Variants in MTARC2 observed in about 807,000 individuals in gnomAD.
The protein encoded by MTARC2 is mitochondrial amidoxime reducing component 2, also known as MOCO sulphurase C-terminal domain containing 2.
In MTARC2, 27 loss-of-function variants were observed where a neutral mutation model predicts 35.6. The ratio of observed to expected loss-of-function variants is 0.76; its 90% CI spans 0.56 to 1.04. The LOEUF is 1.04. Ranked by LOEUF, MTARC2 falls within the 50% of genes least tolerant of loss-of-function variation. The probability of loss-of-function intolerance (pLI) is 0.00; values close to 1 mark genes in which losing one functional copy is unlikely to be tolerated. For synonymous variants in MTARC2, 158 were observed against 167.1 expected, an observed-to-expected ratio of 0.95 and a Z score of 0.42; for missense variants, 412 against 432.5, an observed-to-expected ratio of 0.95 and a Z score of 0.42.
intron 2 of MTARC2, among the ~76,000 whole-genome samples, chr1:220,756,764 C>T (rs1288057914): frequency 3.3e-5 from 5 of 152,148 alleles, no homozygotes; most frequent in Admixed American, 3.3e-4. Context: ...GCAAGTTTTT[C>T]CCCCAAGGCT....
chr1:220,757,831 G>A (rs1469195734), intron 2 of MTARC2, among the ~76,000 whole-genome samples: 1 of 152,046 alleles, frequency 6.6e-6, no homozygotes, highest in Non-Finnish European at 1.5e-5. Flanking sequence ...GATGGTAAGC[G>A]ACAGAGTGAT....
intron 4 of MTARC2, among the ~76,000 whole-genome samples, chr1:220,778,607 A>G (rs1363554485): frequency 6.6e-6 from 1 of 152,178 alleles, no homozygotes; most frequent in African/African-American, 2.4e-5. Flanking sequence ...TTTGGTGGGG[A>G]CACAGATCCA....
At chr1:220,766,978 C>CA (rs60167839) in intron 4 of MTARC2, among the ~76,000 whole-genome samples, 138 of 127,470 alleles carry the variant, frequency 1.1e-3, no homozygotes, top group Non-Finnish European at 1.5e-3. Context: ...CCCACCTCTA[C>CA]AAAAAAAAAA....
At chr1:220,775,354 A>T (rs1321186797) in intron 4 of MTARC2, among the ~76,000 whole-genome samples, 1 of 152,124 alleles carries the variant, frequency 6.6e-6, no homozygotes, top group Non-Finnish European at 1.5e-5. Context: ...TTCATCTTGA[A>T]AACTCCATAG....
chr1:220,760,555 G>C (rs964636980), intron 2 of MTARC2, among the ~76,000 whole-genome samples: 1 of 151,968 alleles, frequency 6.6e-6, no homozygotes, highest in Admixed American at 6.5e-5. Context: ...AGAGTTTTAT[G>C]GATATTTTAT....
chr1:220,759,620 C>A (rs1671385924), intron 2 of MTARC2, among the ~76,000 whole-genome samples: 1 of 152,082 alleles, frequency 6.6e-6, no homozygotes, highest in Admixed American at 6.5e-5. Context: ...CACTTATGTA[C>A]AAGTGCTGTT....
intron 4 of MTARC2, among the ~76,000 whole-genome samples, chr1:220,766,989 AAATT>A (rs1030804167): frequency 6.6e-6 from 1 of 152,000 alleles, no homozygotes; most frequent in African/African-American, 2.4e-5. Flanking sequence ...AAAAAAAAAA[AAATT>A]AATTAATTAA....
At chr1:220,772,906 A>G (rs1457180810) in intron 4 of MTARC2, among the ~76,000 whole-genome samples, 1 of 152,244 alleles carries the variant, frequency 6.6e-6, no homozygotes, top group Non-Finnish European at 1.5e-5. Context: ...TAACTCTGGT[A>G]TAATGGGAAA....
intron 4 of MTARC2, among the ~76,000 whole-genome samples, chr1:220,775,234 G>A (rs766276436): frequency 4.8e-5 from 7 of 146,924 alleles, no homozygotes; most frequent in Non-Finnish European, 1.0e-4. Flanking sequence ...TTTACAAGAT[G>A]TGCACACGTT....
At chr1:220,753,575 C>T (rs1392203403) in intron 1 of MTARC2, among the ~76,000 whole-genome samples, 1 of 152,180 alleles carries the variant, frequency 6.6e-6, no homozygotes, top group East Asian at 1.9e-4. Context: ...CTCAGCCTTT[C>T]CCTGATGGCT....
Position 220,780,056 on chromosome 1 carries a change from GA to G in MTARC2, c.794del (p.Lys265ArgfsTer2). 5 of 1,548,034 alleles carry G rather than the reference GA, an allele frequency of 3.2e-6. No individual in the cohort carries two copies. Among genetic ancestry groups the G allele is most frequent in the South Asian group, 2.6e-5 (2 of 78,308 alleles). ...AACTCCTAATTGGTAGTGTAGAAGT[GA>G]AAAAGGTAATGGCATGCCCCAGGTA... is the stretch of plus-strand genomic sequence containing the variant. Reference protein sequence around the residue: ...DELLIGSVEVKKVMACPRCIL... With the variant: ...DELLIGSVEVXKVMACPRCIL... On this transcript the variant is annotated frameshift_variant, in exon 5 of 8. Coordinates refer to ENST00000366913, the MANE Select transcript of MTARC2 (RefSeq NM_017898.5). LOFTEE classifies it high-confidence loss of function.
In MTARC2 at chr1:220,782,050, T is replaced by A. The variant is rs183247496; in HGVS notation, c.*31+118T>A. 2.4e-3 allele frequency: 2,259 copies of A among 927,222 alleles called. 6 individuals carry two copies. Among genetic ancestry groups the A allele is most frequent in the Non-Finnish European group, 3.0e-3 (1,911 of 639,106 alleles). The allele number at this position is 927,222 out of a possible 1,614,324, so 57.4% of individuals were successfully genotyped here. A position where few individuals can be genotyped will look rare whatever the true frequency, so the allele number is the denominator to read the frequency against. Reference sequence around the variant, plus strand: ...CTTGAGAGAATGAACAGTTTTATATTCTGATCTTTGGAGTTGGAAAATGCC... The same window carrying A: ...CTTGAGAGAATGAACAGTTTTATATACTGATCTTTGGAGTTGGAAAATGCC... On this transcript the variant is annotated intron_variant, in intron 7 of 7. Coordinates refer to ENST00000366913, the MANE Select transcript of MTARC2 (RefSeq NM_017898.5).
intron 4 of MTARC2, among the ~76,000 whole-genome samples, chr1:220,776,886 G>T (rs1176693009): frequency 6.6e-6 from 1 of 152,208 alleles, no homozygotes; most frequent in Non-Finnish European, 1.5e-5. Context: ...TGGGTCCGCA[G>T]CGCCCTCGTG....
intron 2 of MTARC2, among the ~76,000 whole-genome samples, chr1:220,756,646 C>A (rs1024401134): frequency 2.0e-5 from 3 of 151,388 alleles, no homozygotes; most frequent in African/African-American, 7.3e-5. Context: ...GTAGCCATCT[C>A]GGCTTAATTG....
intron 4 of MTARC2, 32 bp from the exon 5 acceptor site, chr1:220,779,986 C>G: frequency 6.7e-7 from 1 of 1,485,754 alleles, no homozygotes. Context: ...ATGAAGCCAC[C>G]ATTTAAAAGA....
At chr1:220,758,485 T>A (rs1671343460) in intron 2 of MTARC2, among the ~76,000 whole-genome samples, 1 of 151,400 alleles carries the variant, frequency 6.6e-6, no homozygotes, top group African/African-American at 2.4e-5. Context: ...GATGGCACGA[T>A]CTCAGCTCAC....
At chr1:220,779,642 G>A (rs1672011998) in intron 4 of MTARC2, among the ~76,000 whole-genome samples, 1 of 152,244 alleles carries the variant, frequency 6.6e-6, no homozygotes, top group African/African-American at 2.4e-5. Context: ...AGAACCTTCA[G>A]ATTGTAACTT....
chr1:220,773,459 G>T (rs1449594785), intron 4 of MTARC2, among the ~76,000 whole-genome samples: 1 of 152,126 alleles, frequency 6.6e-6, no homozygotes, highest in Non-Finnish European at 1.5e-5. Context: ...CCTTTTTTGA[G>T]TTCTGGGAGT....
In MTARC2 at chr1:220,748,799, G is replaced by A. The variant is rs757536689; in HGVS notation, c.268G>A (p.Asp90Asn). Residue 90 changes from aspartate to asparagine, a missense_variant, in exon 1 of 8, where the codon GAC (aspartate) becomes AAC (asparagine). By Grantham distance (23) the Asp-to-Asn change is conservative. Coordinates refer to ENST00000366913, the MANE Select transcript of MTARC2 (RefSeq NM_017898.5). ...AMGLRSGNLR[D>N]RFWLVIKEDG... ...GGGGCTGCGCAGCGGCAACCTGCGGGACAGGTACAGCACAGCGCGGGCGCG... is the reference window on the plus strand; with the variant it reads ...GGGGCTGCGCAGCGGCAACCTGCGGAACAGGTACAGCACAGCGCGGGCGCG... 1 of 1,591,352 alleles carries A rather than the reference G, an allele frequency of 6.3e-7. No individual in the cohort carries two copies.
Sources: allele counts gnomAD v4.1 joint callset (sites outside exome capture counted in the v4.1 genomes callset), GRCh38; gene constraint gnomAD v4.1.1; transcripts MANE v1.5; gene names NCBI Gene and HGNC (gene_info 2026-07-23, HGNC 2026-07-21).